The following ZMPSTE24 variants were observed in gnomAD, a reference collection of about 807,000 sequenced individuals.
ZMPSTE24 encodes CAAX prenyl protease 1 homolog.
ZMPSTE24 carries 48 observed loss-of-function variants against 56.7 expected under a neutral mutation model. That is an observed-to-expected ratio of 0.85 (90% confidence interval 0.67 to 1.08). ZMPSTE24 has a LOEUF of 1.08. Ranked by LOEUF, ZMPSTE24 falls within the 50% of genes least tolerant of loss-of-function variation. The pLI is 0.00. For missense variants in ZMPSTE24, 503 were observed against 548.7 expected (o/e 0.92, Z 0.83); for synonymous variants, 172 against 195.2 (o/e 0.88, Z 0.99).
intron 2 of ZMPSTE24, 97 bp from the exon 3 acceptor site, chr1:40,267,689 G>A: frequency 1.0e-6 from 1 of 1,003,202 alleles, no homozygotes; most frequent in East Asian, 2.4e-5. Context: ...TTTTAATAGA[G>A]ATGATTATTT....
chr1:40,292,388 C>T, intron 9 of ZMPSTE24, 57 bp from the exon 10 acceptor site: 1 of 1,546,152 alleles, frequency 6.5e-7, no homozygotes, highest in South Asian at 1.1e-5. Flanking sequence ...CTCATGGAAC[C>T]TTTAGTAACA....
chr1:40,259,228 T>A (rs1039745215), intron 1 of ZMPSTE24: 8 of 152,222 alleles, frequency 5.3e-5, no homozygotes, highest in Non-Finnish European at 1.0e-4. Flanking sequence ...ATTATTTTAG[T>A]TTAAATATTA....
At chr1:40,263,626 T>C (rs1179416616) in intron 2 of ZMPSTE24, among the ~76,000 whole-genome samples, 6 of 152,212 alleles carry the variant, frequency 3.9e-5, no homozygotes, top group African/African-American at 1.4e-4. Flanking sequence ...TTTGAAACCT[T>C]GTTTTGTTTG....
At position 40,258,324 on chromosome 1, in the gene ZMPSTE24, G is replaced by T. The variant is rs966628147; in HGVS notation, c.53G>T (p.Arg18Leu). The T allele has an allele frequency of 1.2e-6, 2 of 1,614,144 alleles. No homozygotes were observed. Among genetic ancestry groups the T allele is most frequent in the Non-Finnish European group, 1.7e-6 (2 of 1,180,042 alleles). Residue 18 changes from arginine to leucine, a missense_variant, in exon 1 of 10, where the codon CGT (arginine) becomes CTT (leucine). By Grantham distance (102) the Arg-to-Leu change is moderately radical. Coordinates refer to ENST00000372759, the MANE Select transcript of ZMPSTE24 (RefSeq NM_005857.5). The part of the protein sequence containing the change: ...DALWEMPAEK[R>L]IFGAVLLFSW... ...TTGTGGGAGATGCCGGCCGAGAAGC[G>T]TATCTTCGGGGCCGTGCTGCTCTTT...
rs1643795372 is a variant in ZMPSTE24 at position 40,287,063 on chromosome 1, T to TCTTTC, written c.1059+1034_1059+1035insCTTTC. 1.4e-5 allele frequency among the ~76,000 whole-genome samples: 2 copies of TCTTTC among 147,614 alleles called. 1 individual carries two copies. Among genetic ancestry groups the TCTTTC allele is most frequent in the Non-Finnish European group, 3.0e-5 (2 of 67,126 alleles). On this transcript the variant is annotated intron_variant, in intron 8 of 9. Coordinates refer to ENST00000372759, the MANE Select transcript of ZMPSTE24 (RefSeq NM_005857.5). The stretch of plus-strand genomic sequence containing the variant: ...ATGCTTTTTAAAAAACATTTTTTTC[T>TCTTTC]TTTTCTTTTCTTTTTTTTTTTGAAA...
In ZMPSTE24 at chr1:40,281,340, T is replaced by G. The variant is rs1348923999; in HGVS notation, c.770-3T>G. The stretch of plus-strand genomic sequence containing the variant: ...TCCATGCTTTGAACTGTCTTTTCCT[T>G]AGGATCTAAACGCTCTTCCCACAGC... On this transcript the variant is annotated splice_region_variant and splice_polypyrimidine_tract_variant and intron_variant, in intron 6 of 9. Coordinates refer to ENST00000372759, the MANE Select transcript of ZMPSTE24 (RefSeq NM_005857.5). The G allele has an allele frequency of 1.2e-6, 2 of 1,613,926 alleles. No homozygotes were observed. The highest frequency in any genetic ancestry group is 2.2e-5 in the South Asian group (2 of 91,068).
Position 40,292,751 on chromosome 1 carries a change from T to C in ZMPSTE24, c.*82T>C. On this transcript the variant is annotated 3_prime_UTR_variant, in exon 10 of 10. Coordinates refer to ENST00000372759, the MANE Select transcript of ZMPSTE24 (RefSeq NM_005857.5). The stretch of plus-strand genomic sequence containing the variant: ...TTCCAGCTCTTGATGTTTTTAAACT[T>C]TTTTTTAGAAGAAAAATTAAGTACA... 3.7e-6 allele frequency: 5 copies of C among 1,353,712 alleles called. No homozygotes were observed. Among genetic ancestry groups the C allele is most frequent in the Non-Finnish European group, 5.2e-6 (5 of 963,158 alleles). The allele number at this position is 1,353,712 out of a possible 1,614,324, so 83.9% of individuals were successfully genotyped here. A position where few individuals can be genotyped will look rare whatever the true frequency, so the allele number is the denominator to read the frequency against.
rs137854889 is a variant in ZMPSTE24 at position 40,290,870 on chromosome 1, GT to G, written c.1085del (p.Leu362TyrfsTer5). The G allele has an allele frequency of 7.5e-6, 12 of 1,603,976 alleles. No homozygotes were observed. The highest frequency in any genetic ancestry group is 4.5e-5 in the East Asian group (2 of 44,466). ...IIISQMNSFL[C>X]FFLFAVLIGR... The stretch of plus-strand genomic sequence containing the variant: ...TCTTTCTAGATGAATTCTTTCCTGT[GT>G]TTTTTTTTATTTGCTGTATTAATTG... On this transcript the variant is annotated frameshift_variant, in exon 9 of 10. Transcript: ENST00000372759. LOFTEE classifies it high-confidence loss of function.
intron 7 of ZMPSTE24, among the ~76,000 whole-genome samples, chr1:40,283,051 G>T (rs1557780201): frequency 6.6e-6 from 1 of 152,132 alleles, no homozygotes; most frequent in Non-Finnish European, 1.5e-5. Flanking sequence ...CTAAAAACAG[G>T]TTCTAGTAAA....
intron 8 of ZMPSTE24, among the ~76,000 whole-genome samples, chr1:40,288,681 G>A (rs1159639477): frequency 6.6e-6 from 1 of 152,164 alleles, no homozygotes; most frequent in Non-Finnish European, 1.5e-5. Context: ...GAGCCTCCTT[G>A]ACCATGGGAC....
intron 6 of ZMPSTE24, among the ~76,000 whole-genome samples, chr1:40,273,577 A>T (rs756465791): frequency 4.3e-5 from 5 of 117,134 alleles, no homozygotes; most frequent in Non-Finnish European, 8.7e-5. Context: ...TATGTCAGAC[A>T]TTTAGTGGCT....
intron 9 of ZMPSTE24, among the ~76,000 whole-genome samples, chr1:40,291,487 G>C (rs1293033426): frequency 6.6e-6 from 1 of 152,188 alleles, no homozygotes; most frequent in Non-Finnish European, 1.5e-5. Flanking sequence ...TGAAACTTAA[G>C]AACATTGCTC....
rs1462777246 is a variant in ZMPSTE24, at chr1:40,268,446, T to C, written c.385T>C (p.Leu129=). 1 of 1,612,872 alleles carries C rather than the reference T, an allele frequency of 6.2e-7. No individual in the cohort carries two copies. The highest frequency in any genetic ancestry group is 8.5e-7 in the Non-Finnish European group (1 of 1,179,960). The part of the protein sequence containing the change: ...EITQSLVFLL[L]ATLFSALTGL... ...CACTCAGTCCCTGGTGTTTCTGCTG[T>C]TGGCTACACTTTTCAGTGCATTGAC... The change falls in exon 4 of 10, where the codon TTG becomes CTG. Residue 129 remains leucine (L), a synonymous_variant. Transcript: ENST00000372759.
chr1:40,268,512 GA>G lies in ZMPSTE24; in HGVS notation c.456del (p.Lys152AsnfsTer13). 2 of 1,608,072 alleles carry G rather than the reference GA, an allele frequency of 1.2e-6. No homozygotes were observed. The highest frequency in any genetic ancestry group is 8.5e-7 in the Non-Finnish European group (1 of 1,176,898). ...TCTTTATAATACTTTTGTGATAGAA[GA>G]AAAACATGGCTTCAATCAACAGGTA... ...WSLYNTFVIE[E>X]KHGFNQQTLG... On this transcript the variant is annotated frameshift_variant, in exon 4 of 10. Transcript: ENST00000372759. LOFTEE classifies it high-confidence loss of function.
At position 40,259,724 on chromosome 1, in the gene ZMPSTE24, C is replaced by G. The variant is rs1458423977; in HGVS notation, c.124-1115C>G. 2.0e-5 allele frequency among the ~76,000 whole-genome samples: 3 copies of G among 152,270 alleles called. No homozygotes were observed. In the East Asian group the frequency reaches 5.8e-4, roughly 29 times the overall value. On this transcript the variant is annotated intron_variant, in intron 1 of 9. Coordinates refer to ENST00000372759, the MANE Select transcript of ZMPSTE24 (RefSeq NM_005857.5). Reference sequence around the variant, plus strand: ...GGCTCAAACGACCCCTCCACCTCCACCTCAGCCTTCTGAGTTGCTAGGACC... The same window carrying G: ...GGCTCAAACGACCCCTCCACCTCCAGCTCAGCCTTCTGAGTTGCTAGGACC...
rs869226147 is a variant in ZMPSTE24, at chr1:40,280,420, CT to C, written c.770-911del. On this transcript the variant is annotated intron_variant, in intron 6 of 9. Coordinates refer to ENST00000372759, the MANE Select transcript of ZMPSTE24 (RefSeq NM_005857.5). The stretch of plus-strand genomic sequence containing the variant: ...CAAAGAAGAAAATTGCTTGAATTTG[CT>C]TTTTTTTTTTTCTTTCTTTGTGAGA... Among the ~76,000 whole-genome samples, 90 of 145,764 alleles carry C rather than the reference CT, an allele frequency of 6.2e-4. 1 individual carries two copies. Among genetic ancestry groups the C allele is most frequent in the Admixed American group, 1.1e-3 (16 of 14,494 alleles).
chr1:40,262,806 A>G (rs1557773084), intron 2 of ZMPSTE24: 2 of 1,179,820 alleles, frequency 1.7e-6, no homozygotes, highest in East Asian at 8.1e-5. Flanking sequence ...TGTTTTGTCA[A>G]CTGACATTTC....
At chr1:40,268,612 A>T in intron 4 of ZMPSTE24, 77 bp downstream of exon 4, 1 of 958,658 alleles carries the variant, frequency 1.0e-6, no homozygotes. Context: ...TTTATAATTT[A>T]AACATAATTT....
rs1259006268 is a variant in ZMPSTE24, at chr1:40,292,964, T to A, written c.*295T>A. The A allele has an allele frequency of 9.1e-6, 3 of 329,878 alleles. No homozygotes were observed. Among genetic ancestry groups the A allele is most frequent in the Non-Finnish European group, 1.7e-5 (3 of 173,190 alleles). 20.4% of individuals were successfully genotyped at this position (329,878 alleles called of 1,614,324 possible). ...TACAGAACTCGTTTTATTTGTATAC[T>A]TATATGGAATCTGCATGTGAGGTGT... On this transcript the variant is annotated 3_prime_UTR_variant, in exon 10 of 10. Coordinates refer to ENST00000372759, the MANE Select transcript of ZMPSTE24 (RefSeq NM_005857.5).
Sources: allele counts gnomAD v4.1 joint callset (sites outside exome capture counted in the v4.1 genomes callset), GRCh38; gene constraint gnomAD v4.1.1; transcripts MANE v1.5; gene names NCBI Gene and HGNC (gene_info 2026-07-23, HGNC 2026-07-21).